Variants in MRPL13 observed in about 807,000 individuals in gnomAD.
MRPL13 encodes mitochondrial ribosomal protein L13, also known as large ribosomal subunit protein uL13m.
MRPL13 carries 33 observed loss-of-function variants against 29.0 expected under a neutral mutation model. That is an observed-to-expected ratio of 1.14 (90% CI 0.86 to 1.52). The LOEUF is 1.52. Among genes scored for constraint, MRPL13 ranks in the 40% most tolerant of loss-of-function variants. The probability of loss-of-function intolerance (pLI) is 0.00; values close to 1 mark genes in which losing one functional copy is unlikely to be tolerated. For missense variants in MRPL13, 227 were observed against 216.7 expected, an observed-to-expected ratio of 1.05 and a Z score of -0.30; for synonymous variants, 77 against 68.4, an observed-to-expected ratio of 1.13 and a Z score of -0.62.
intron 3 of MRPL13, among the ~76,000 whole-genome samples, chr8:120,431,443 C>A (rs1812994543): frequency 6.6e-6 from 1 of 152,124 alleles, no homozygotes; most frequent in Admixed American, 6.6e-5. Context: ...AAGGAGAAGA[C>A]ATGATTCAAC....
chr8:120,425,223 A>C lies in MRPL13; in HGVS notation c.306+83T>G, dbSNP rs1285400488. 2.3e-5 allele frequency: 24 copies of C among 1,062,822 alleles called. No homozygotes were observed. The Admixed American group carries it at 3.9e-4, about 17-fold the overall frequency. 65.8% of individuals were successfully genotyped at this position (1,062,822 alleles called of 1,614,324 possible). A position where few individuals can be genotyped will look rare whatever the true frequency, so the allele number is the denominator to read the frequency against. ...TATATCCTTGAATGCTAACTATATT[A>C]AAATAATGAGAAGGGAGACTGACAA... is the stretch of plus-strand genomic sequence containing the variant. On this transcript the variant is annotated intron_variant, in intron 4 of 6. Coordinates refer to ENST00000306185, the MANE Select transcript of MRPL13 (RefSeq NM_014078.6).
intron 3 of MRPL13, among the ~76,000 whole-genome samples, chr8:120,430,092 T>C (rs1812981079): frequency 6.6e-6 from 1 of 152,028 alleles, no homozygotes; most frequent in Non-Finnish European, 1.5e-5. Context: ...AGAAACCCTG[T>C]CCCTACTAAA....
chr8:120,422,480 C>T (rs1345161629), intron 4 of MRPL13, among the ~76,000 whole-genome samples: 1 of 150,600 alleles, frequency 6.6e-6, no homozygotes, highest in East Asian at 1.9e-4. Flanking sequence ...AAGAAATAAA[C>T]ATTAATGAAC....
At chr8:120,425,856 A>G (rs1812926445) in intron 3 of MRPL13, among the ~76,000 whole-genome samples, 1 of 152,114 alleles carries the variant, frequency 6.6e-6, no homozygotes, top group Admixed American at 6.6e-5. Context: ...AGTGCTACAT[A>G]TTGGCTCTAA....
chr8:120,432,078 G>A lies in MRPL13; in HGVS notation c.197C>T (p.Ala66Val). 6.2e-7 allele frequency: 1 copy of A among 1,609,548 alleles called. No homozygotes were observed. The highest frequency in any genetic ancestry group is 8.5e-7 in the Non-Finnish European group (1 of 1,177,820). Reference sequence around the variant, plus strand: ...TTGTTCCCATTTGTTTCCAGAAAATGCAATGTGTCTTGTGTTCATTATAAC... The same window carrying A: ...TTGTTCCCATTTGTTTCCAGAAAATACAATGTGTCTTGTGTTCATTATAAC... ...HVVIMNTRHI[A>V]FSGNKWEQKV... Residue 66 changes from alanine (A) to valine (V), a missense_variant, in exon 3 of 7, where the codon GCA becomes GTA. Ala to Val is a moderately conservative substitution (Grantham distance 64). Transcript: ENST00000306185.
intron 2 of MRPL13, among the ~76,000 whole-genome samples, chr8:120,437,631 TAGA>T (rs1036499886): frequency 3.9e-5 from 6 of 152,256 alleles, no homozygotes; most frequent in Admixed American, 3.3e-4. Context: ...CAGCTCTAAT[TAGA>T]AGGAGGGATT....
intron 3 of MRPL13, among the ~76,000 whole-genome samples, chr8:120,426,857 AT>A (rs1372303157): frequency 2.0e-5 from 3 of 152,150 alleles, no homozygotes; most frequent in African/African-American, 7.2e-5. Context: ...ATCCTGTCCT[AT>A]TTAAAATTAA....
At chr8:120,420,852 G>T (rs1041364206) in intron 4 of MRPL13, among the ~76,000 whole-genome samples, 2 of 151,832 alleles carry the variant, frequency 1.3e-5, no homozygotes, top group Admixed American at 6.6e-5. Flanking sequence ...AAATTTAGTT[G>T]TATTTATTTG....
At chr8:120,440,783 G>A (rs910806455) in intron 2 of MRPL13, among the ~76,000 whole-genome samples, 1 of 151,808 alleles carries the variant, frequency 6.6e-6, no homozygotes, top group Non-Finnish European at 1.5e-5. Context: ...TATTATTTAG[G>A]TTCTTGTAGG....
chr8:120,400,176 A>C (rs1812575100), intron 6 of MRPL13, among the ~76,000 whole-genome samples: 1 of 152,212 alleles, frequency 6.6e-6, no homozygotes, highest in Non-Finnish European at 1.5e-5. Context: ...AAACAACAGA[A>C]CATACATTCT....
intron 3 of MRPL13, among the ~76,000 whole-genome samples, chr8:120,430,191 G>A (rs1029560443): frequency 2.0e-5 from 3 of 152,156 alleles, no homozygotes; most frequent in African/African-American, 7.2e-5. Flanking sequence ...GAACCTGGGA[G>A]GCGGAGGTTG....
chr8:120,398,433 C>CAACA (rs1307177361), intron 6 of MRPL13, among the ~76,000 whole-genome samples: 3 of 152,126 alleles, frequency 2.0e-5, no homozygotes, highest in African/African-American at 7.2e-5. Context: ...AAAAGAAAAA[C>CAACA]AACAAACAAA....
intron 6 of MRPL13, among the ~76,000 whole-genome samples, chr8:120,402,034 A>G (rs1812603493): frequency 6.6e-6 from 1 of 152,238 alleles, no homozygotes; most frequent in Non-Finnish European, 1.5e-5. Context: ...TTCCATGCTC[A>G]TGGATAGGAA....
intron 3 of MRPL13, among the ~76,000 whole-genome samples, chr8:120,428,112 C>G (rs1031558947): frequency 7.9e-6 from 1 of 126,170 alleles, no homozygotes; most frequent in African/African-American, 3.1e-5. Flanking sequence ...GTAACCAAAA[C>G]AGCATGGTAC....
intron 6 of MRPL13, among the ~76,000 whole-genome samples, chr8:120,410,264 A>C (rs1283692420): frequency 6.6e-6 from 1 of 152,322 alleles, no homozygotes; most frequent in East Asian, 1.9e-4. Context: ...GTTTCAGTCA[A>C]GTCTCTGCAG....
intron 3 of MRPL13, among the ~76,000 whole-genome samples, chr8:120,430,386 C>T (rs1480203660): frequency 6.6e-6 from 1 of 152,092 alleles, no homozygotes; most frequent in Non-Finnish European, 1.5e-5. Context: ...CCTCTTTAAA[C>T]TTCTCTATAT....
chr8:120,438,132 G>A (rs75336139), intron 2 of MRPL13, among the ~76,000 whole-genome samples: 1,748 of 152,282 alleles, frequency 0.011, 19 homozygotes, highest in Non-Finnish European at 0.016. Flanking sequence ...GTGAGGCTGA[G>A]GTGAGTGGAT....
chr8:120,396,469 T>C (rs1259542504), intron 6 of MRPL13, among the ~76,000 whole-genome samples: 1 of 152,156 alleles, frequency 6.6e-6, no homozygotes, highest in Non-Finnish European at 1.5e-5. Context: ...TCTTTAAGAG[T>C]TTAAAAATCA....
chr8:120,415,598 T>A (rs2130463686), intron 5 of MRPL13: 1 of 152,330 alleles, frequency 6.6e-6, no homozygotes, highest in African/African-American at 2.4e-5. Flanking sequence ...TTAAAAATTG[T>A]GGTTTGGATA....
Sources: allele counts gnomAD v4.1 joint callset (sites outside exome capture counted in the v4.1 genomes callset), GRCh38; gene constraint gnomAD v4.1.1; transcripts MANE v1.5; gene names NCBI Gene and HGNC (gene_info 2026-07-23, HGNC 2026-07-21).